Variants in DBT observed in about 807,000 individuals in gnomAD.
DBT encodes the protein dihydrolipoamide branched chain transacylase E2, also known as lipoamide acyltransferase component of branched-chain alpha-keto acid dehydrogenase complex, mitochondrial.
In DBT, 40 loss-of-function variants were observed where a neutral mutation model predicts 51.3. The observed-to-expected ratio is 0.78, with a 90% CI of 0.61 to 1.02. The LOEUF (loss-of-function observed/expected upper bound fraction) is 1.02. Among genes scored for constraint, DBT ranks in the 50% least tolerant of loss-of-function variants. The probability of loss-of-function intolerance (pLI) is 0.00; values close to 1 mark genes in which losing one functional copy is unlikely to be tolerated. For missense variants in DBT, 510 were observed against 580.2 expected, an observed-to-expected ratio of 0.88 and a Z score of 1.24; for synonymous variants, 181 against 190.4, an observed-to-expected ratio of 0.95 and a Z score of 0.41.
At chr1:100,225,668 T>C (rs1663152804) in intron 4 of DBT, among the ~76,000 whole-genome samples, 1 of 151,524 alleles carries the variant, frequency 6.6e-6, no homozygotes. Context: ...CTACTAAAAA[T>C]ACAAAAATTA....
chr1:100,210,499 A>T, intron 8 of DBT, 195 bp downstream of exon 8: 1 of 707,386 alleles, frequency 1.4e-6, no homozygotes, highest in Non-Finnish European at 2.2e-6. Context: ...AAATAGTTTT[A>T]AGAATCTCTA....
rs1173298650 is a variant in DBT at position 100,192,931 on chromosome 1, T to C, written c.*3324A>G. The C allele has an allele frequency of 6.6e-6, 1 of 152,362 alleles. No individual in the cohort carries two copies. Among genetic ancestry groups the C allele is most frequent in the Non-Finnish European group, 1.5e-5 (1 of 68,170 alleles). 9.4% of individuals were successfully genotyped at this position (152,362 alleles called of 1,614,324 possible). On this transcript the variant is annotated 3_prime_UTR_variant, in exon 11 of 11. Transcript: ENST00000370132. ...TGGCTTTTCCACTTTAATTCCAACC[T>C]CTAGGAGTACAGCAAGAGCCTTTTC...
intron 2 of DBT, among the ~76,000 whole-genome samples, chr1:100,236,615 CTTTCTGAATGGT>C (rs1346701100): frequency 6.6e-6 from 1 of 152,122 alleles, no homozygotes; most frequent in Non-Finnish European, 1.5e-5. Flanking sequence ...AACCTGGCAA[CTTTCTGAATGGT>C]TTAGCATTAA....
chr1:100,223,750 G>A (rs1463846387), intron 4 of DBT, among the ~76,000 whole-genome samples: 1 of 152,128 alleles, frequency 6.6e-6, no homozygotes, highest in Non-Finnish European at 1.5e-5. Context: ...CTATAGGCAT[G>A]AGTGACTGCA....
chr1:100,248,016 C>G (rs982652058), intron 1 of DBT, among the ~76,000 whole-genome samples: 1 of 151,276 alleles, frequency 6.6e-6, no homozygotes, highest in Non-Finnish European at 1.5e-5. Context: ...GCAAAAGAAT[C>G]GCTTGAAACT....
chr1:100,196,537 T>C (rs918596861), intron 10 of DBT, 115 bp from the exon 11 acceptor site: 9 of 571,956 alleles, frequency 1.6e-5, no homozygotes, highest in Non-Finnish European at 2.2e-5. Flanking sequence ...CTTCTTCCTG[T>C]ACAGTACAGA....
intron 4 of DBT, among the ~76,000 whole-genome samples, chr1:100,227,691 T>G (rs1282860954): frequency 6.6e-6 from 1 of 152,222 alleles, no homozygotes; most frequent in African/African-American, 2.4e-5. Flanking sequence ...TGTTTAAACT[T>G]AGCATCACTA....
intron 2 of DBT, among the ~76,000 whole-genome samples, chr1:100,240,033 A>G (rs999040964): frequency 2.0e-5 from 3 of 151,882 alleles, no homozygotes; most frequent in Admixed American, 6.6e-5. Flanking sequence ...GAACATCAGG[A>G]AAAAAAACAG....
intron 4 of DBT, among the ~76,000 whole-genome samples, chr1:100,225,843 A>G (rs1160652156): frequency 1.3e-5 from 2 of 151,446 alleles, no homozygotes; most frequent in African/African-American, 4.8e-5. Flanking sequence ...AAAAAAAAAA[A>G]AAAAATCAGA....
In DBT at chr1:100,235,519, G is replaced by C; in HGVS notation, c.176-8C>G. On this transcript the variant is annotated splice_region_variant and splice_polypyrimidine_tract_variant and intron_variant, in intron 2 of 10. Coordinates refer to ENST00000370132, the MANE Select transcript of DBT (RefSeq NM_001918.5). ...CAACCTGTCCACGGAGAGCTTCAAA[G>C]ACAAATGAGAAATGATCTCATTAAG... 1.3e-6 allele frequency: 2 copies of C among 1,518,848 alleles called. No individual in the cohort carries two copies. The highest frequency in any genetic ancestry group is 1.8e-6 in the Non-Finnish European group (2 of 1,094,990). 94.1% of individuals were successfully genotyped at this position (1,518,848 alleles called of 1,614,324 possible). A position where few individuals can be genotyped will look rare whatever the true frequency, so the allele number is the denominator to read the frequency against.
intron 1 of DBT, among the ~76,000 whole-genome samples, chr1:100,241,746 C>T (rs541792969): frequency 5.3e-5 from 8 of 151,964 alleles, no homozygotes; most frequent in Admixed American, 1.3e-4. Context: ...AGGCCAGGCG[C>T]GGTGGCTCAC....
At chr1:100,209,096 T>C (rs1399470458) in intron 8 of DBT, among the ~76,000 whole-genome samples, 2 of 69,202 alleles carry the variant, frequency 2.9e-5, no homozygotes, top group East Asian at 1.5e-3. Flanking sequence ...TTCTTTTCTT[T>C]TCTTTTTTTT....
Position 100,195,458 on chromosome 1 carries a change from G to T in DBT, c.*797C>A, listed in dbSNP as rs915086346. On this transcript the variant is annotated 3_prime_UTR_variant, in exon 11 of 11. Coordinates refer to ENST00000370132, the MANE Select transcript of DBT (RefSeq NM_001918.5). The stretch of plus-strand genomic sequence containing the variant: ...TATCAGATGATATTCTCTATACAGA[G>T]CAAGAATATACTCTTGGATATCTCA... 11 of 152,472 alleles carry T rather than the reference G, an allele frequency of 7.2e-5. No individual in the cohort carries two copies. Among genetic ancestry groups the T allele is most frequent in the African/African-American group, 2.4e-4 (10 of 41,514 alleles). The allele number at this position is 152,472 out of a possible 1,614,324, so 9.4% of individuals were successfully genotyped here.
intron 1 of DBT, among the ~76,000 whole-genome samples, chr1:100,241,776 TG>T (rs1557961694): frequency 1.3e-5 from 2 of 152,114 alleles, no homozygotes; most frequent in Non-Finnish European, 2.9e-5. Flanking sequence ...CCCAGCACTT[TG>T]GGAGGCCAAG....
At chr1:100,199,943 CTGAGTTTCA>C (rs1400620608) in intron 10 of DBT, among the ~76,000 whole-genome samples, 1 of 152,100 alleles carries the variant, frequency 6.6e-6, no homozygotes, top group Non-Finnish European at 1.5e-5. Context: ...CACAAGGGCC[CTGAGTTTCA>C]AGCACAAAAC....
chr1:100,224,866 T>C (rs1394894737), intron 4 of DBT, among the ~76,000 whole-genome samples: 1 of 150,386 alleles, frequency 6.6e-6, no homozygotes, highest in Non-Finnish European at 1.5e-5. Context: ...AATATGAAAA[T>C]TAGCTGGGTG....
chr1:100,212,127 A>G (rs1363838320), intron 7 of DBT, among the ~76,000 whole-genome samples: 2 of 152,182 alleles, frequency 1.3e-5, no homozygotes, highest in Non-Finnish European at 2.9e-5. Context: ...AATAGTCTTT[A>G]TCTAAAAACC....
intron 1 of DBT, among the ~76,000 whole-genome samples, chr1:100,248,311 C>G (rs1664675960): frequency 6.6e-6 from 1 of 152,124 alleles, no homozygotes; most frequent in African/African-American, 2.4e-5. Flanking sequence ...TAATCATAAG[C>G]CACTTAATGT....
In DBT at chr1:100,249,817, C is replaced by G; in HGVS notation, c.4G>C (p.Ala2Pro). M[A>P]AVRMLRTWSR... ...CAGGTTCTCAGCATACGGACTGCAG[C>G]CATCTTACCCCGGAAATGACAACAG... The change falls in exon 1 of 11, where the codon GCT (alanine) becomes CCT (proline). Residue 2 changes from alanine (A) to proline (P), a missense_variant. Transcript: ENST00000370132. 1.2e-6 allele frequency: 2 copies of G among 1,614,184 alleles called. No homozygotes were observed. Among genetic ancestry groups the G allele is most frequent in the Non-Finnish European group, 1.7e-6 (2 of 1,180,002 alleles).
Sources: gnomAD v4.1 joint callset for allele counts (sites outside exome capture counted in the v4.1 genomes callset) on GRCh38, gnomAD v4.1.1 for gene constraint, MANE v1.5 for transcripts, NCBI Gene and HGNC (gene_info 2026-07-23, HGNC 2026-07-21) for gene names.